The following TNR variants were observed in gnomAD, a reference collection of about 807,000 sequenced individuals.
TNR encodes tenascin R.
In TNR, 45 loss-of-function variants were observed where a neutral mutation model predicts 150.4. That is an observed-to-expected ratio of 0.30 (90% CI 0.24 to 0.38). The LOEUF (loss-of-function observed/expected upper bound fraction) is 0.38, where lower values mean the gene tolerates loss of function less well. Ranked by LOEUF, TNR falls within the 10% of genes least tolerant of loss-of-function variation. TNR has a pLI of 1.00. For synonymous variants in TNR, 687 were observed against 678.4 expected, an observed-to-expected ratio of 1.01 and a Z score of -0.20; for missense variants, 1,544 against 1,759.1, an observed-to-expected ratio of 0.88 and a Z score of 2.19.
chr1:175,732,324 C>G (rs1018830204), intron 1 of TNR, among the ~76,000 whole-genome samples: 1 of 152,162 alleles, frequency 6.6e-6, no homozygotes, highest in Admixed American at 6.5e-5. Context: ...CAGATAATCC[C>G]CAAAGTGAAT....
intron 1 of TNR, among the ~76,000 whole-genome samples, chr1:175,647,914 CCTTCTCAA>C (rs1664853481): frequency 6.6e-6 from 1 of 152,126 alleles, no homozygotes; most frequent in South Asian, 2.1e-4. Context: ...TCACAGACTC[CCTTCTCAA>C]CTGTGTTCAA....
At chr1:175,710,087 A>T (rs1008438461) in intron 1 of TNR, among the ~76,000 whole-genome samples, 16 of 152,268 alleles carry the variant, frequency 1.1e-4, no homozygotes, top group African/African-American at 3.6e-4. Flanking sequence ...CACTTAGGTT[A>T]TGTTAAAATA....
chr1:175,363,443 C>G (rs1191964302), intron 13 of TNR, among the ~76,000 whole-genome samples: 1 of 152,102 alleles, frequency 6.6e-6, no homozygotes, highest in Non-Finnish European at 1.5e-5. Context: ...CTTTTTTTCT[C>G]AAGACACTGC....
intron 20 of TNR, among the ~76,000 whole-genome samples, chr1:175,331,058 T>TTTCTTTCTTTCTTTCC (rs1553203360): frequency 3.0e-4 from 35 of 116,260 alleles, no homozygotes; most frequent in African/African-American, 9.9e-4. Context: ...TCTTTCTTTC[T>TTTCTTTCTTTCTTTCC]TTCTTTCTTT....
rs1170273637 is a variant in TNR at position 175,599,247 on chromosome 1, A to T, written c.-164-70878T>A. Among the ~76,000 whole-genome samples, 2 of 152,204 alleles carry T rather than the reference A, an allele frequency of 1.3e-5. No homozygotes were observed. The highest frequency in any genetic ancestry group is 1.5e-5 in the Non-Finnish European group (1 of 68,042). ...AGCTTGGCCTTGGCCACCTCGGGTC[A>T]CCGCTCCTCCCTTTCAGGCGCCCGG... On this transcript the variant is annotated intron_variant, in intron 1 of 22. Coordinates refer to ENST00000367674, the MANE Select transcript of TNR (RefSeq NM_003285.3). The surrounding 1 kb of genome is among the most constrained non-coding windows in gnomAD (Gnocchi z 4.7).
chr1:175,450,483 G>T (rs912183456), intron 2 of TNR, among the ~76,000 whole-genome samples: 1 of 152,248 alleles, frequency 6.6e-6, no homozygotes, highest in African/African-American at 2.4e-5. Context: ...GCTGGGTTAA[G>T]TTCTCTGCTC....
At chr1:175,706,121 G>A (rs1044925743) in intron 1 of TNR, among the ~76,000 whole-genome samples, 3 of 152,204 alleles carry the variant, frequency 2.0e-5, no homozygotes, top group East Asian at 1.9e-4. Context: ...ACATCAATGA[G>A]ATAAAATGTA....
intron 2 of TNR, among the ~76,000 whole-genome samples, chr1:175,449,036 G>A (rs536908397): frequency 2.6e-5 from 4 of 152,148 alleles, no homozygotes; most frequent in Non-Finnish European, 4.4e-5. Flanking sequence ...TCAGCCTACC[G>A]GCATTGCCAC....
chr1:175,668,687 G>T (rs545303399), intron 1 of TNR, among the ~76,000 whole-genome samples: 1 of 152,156 alleles, frequency 6.6e-6, no homozygotes, highest in Non-Finnish European at 1.5e-5. Flanking sequence ...AACACCTACC[G>T]TGACCGGCAC....
At chr1:175,588,196 G>C (rs1335496163) in intron 1 of TNR, among the ~76,000 whole-genome samples, 1 of 152,262 alleles carries the variant, frequency 6.6e-6, no homozygotes, top group Non-Finnish European at 1.5e-5. Flanking sequence ...AATGGCAACA[G>C]AGAGGAGGAA....
chr1:175,385,379 A>G (rs768745105), intron 8 of TNR, among the ~76,000 whole-genome samples: 6 of 152,128 alleles, frequency 3.9e-5, no homozygotes, highest in Admixed American at 6.5e-5. Context: ...AAGAGTCCCA[A>G]TGGCCTTGAG....
rs1651890182 is a variant in TNR, at chr1:175,367,282, G to A, written c.1979C>T (p.Thr660Ile). ...GGCAGATATTCCAACTCCATACTCA[G>A]TGCCAGGTACCAGATCTATCAGTGG... ...RATLTDLVPG[T>I]EYGVGISAVM... Residue 660 changes from threonine to isoleucine, a missense_variant, in exon 10 of 23, where the codon ACT becomes ATT. Thr to Ile is a moderately conservative substitution (Grantham distance 89, BLOSUM62 -1). This residue lies in a region of TNR where 1,254 missense variants were observed against 1,329.4 expected (regional missense o/e 0.94). Transcript: ENST00000367674. 6.2e-7 allele frequency: 1 copy of A among 1,614,128 alleles called. No individual in the cohort carries two copies. Among genetic ancestry groups the A allele is most frequent in the Non-Finnish European group, 8.5e-7 (1 of 1,180,010 alleles).
At chr1:175,649,130 T>C (rs1664882902) in intron 1 of TNR, among the ~76,000 whole-genome samples, 1 of 152,198 alleles carries the variant, frequency 6.6e-6, no homozygotes, top group Admixed American at 6.5e-5. Context: ...AATTCGGCCA[T>C]GGTCAGGCCG....
At position 175,485,915 on chromosome 1, in the gene TNR, C is replaced by T. The variant is rs138638933; in HGVS notation, c.-64+42354G>A. 7.7e-3 allele frequency among the ~76,000 whole-genome samples: 1,167 copies of T among 152,248 alleles called. 13 individuals carry two copies. The highest frequency in any genetic ancestry group is 0.026 in the African/African-American group (1,100 of 41,544). ...TGTTCTCACAACAGTTCATGAGGAA[C>T]GTATTGTCATCACCATCCTTCTGAT... On this transcript the variant is annotated intron_variant, in intron 2 of 22. Coordinates refer to ENST00000367674, the MANE Select transcript of TNR (RefSeq NM_003285.3).
At chr1:175,680,589 C>A (rs1666003709) in intron 1 of TNR, among the ~76,000 whole-genome samples, 1 of 152,046 alleles carries the variant, frequency 6.6e-6, no homozygotes, top group African/African-American at 2.4e-5. Context: ...AGGCAGACAG[C>A]TTGAAGTGAA....
intron 2 of TNR, among the ~76,000 whole-genome samples, chr1:175,459,099 C>T (rs551318284): frequency 7.3e-5 from 11 of 151,364 alleles, no homozygotes; most frequent in East Asian, 1.9e-4. Context: ...ACTAATACCA[C>T]CAATATTATT....
intron 2 of TNR, among the ~76,000 whole-genome samples, chr1:175,520,164 T>C (rs1659576959): frequency 6.6e-6 from 1 of 152,238 alleles, no homozygotes; most frequent in Non-Finnish European, 1.5e-5. Flanking sequence ...CTCAGGACTC[T>C]ATTTTTTCCC....
chr1:175,597,539 C>T (rs148661215), intron 1 of TNR, among the ~76,000 whole-genome samples: 14 of 152,316 alleles, frequency 9.2e-5, no homozygotes, highest in African/African-American at 3.4e-4. Context: ...CTTGGTTGTG[C>T]TAAAAGTTCA....
At chr1:175,691,657 T>A (rs776047825) in intron 1 of TNR, among the ~76,000 whole-genome samples, 1 of 152,164 alleles carries the variant, frequency 6.6e-6, no homozygotes, top group Non-Finnish European at 1.5e-5. Flanking sequence ...CTTGGTTTAT[T>A]AATCTCTTTG....
Sources: gnomAD v4.1 joint callset for allele counts (sites outside exome capture counted in the v4.1 genomes callset) on GRCh38, gnomAD v4.1.1 for gene constraint, gnomAD v4.1.1 regional missense constraint, Gnocchi (gnomAD v3.1) non-coding constraint, MANE v1.5 for transcripts, NCBI Gene and HGNC (gene_info 2026-07-23, HGNC 2026-07-21) for gene names.